Variants in ASIC2 observed in about 807,000 individuals in gnomAD.
ASIC2 encodes acid-sensing ion channel 2.
In ASIC2, 25 loss-of-function variants were observed where a neutral mutation model predicts 57.3. That is an observed-to-expected ratio of 0.44 (90% CI 0.32 to 0.61). ASIC2 has a LOEUF of 0.61. ASIC2 is among the 20% of genes least tolerant of loss of function. The pLI is 0.06. For missense variants in ASIC2, 641 were observed against 738.1 expected (o/e 0.87, Z 1.52); for synonymous variants, 319 against 307.5 (o/e 1.04, Z -0.39).
chr17:33,155,043 T>G (rs1313514223), intron 1 of ASIC2, among the ~76,000 whole-genome samples: 1 of 152,196 alleles, frequency 6.6e-6, no homozygotes, highest in East Asian at 1.9e-4. Flanking sequence ...GGCAGCGTCT[T>G]TTCTCCAAGC....
At chr17:33,019,189 G>C (rs1436335471) in intron 7 of ASIC2, among the ~76,000 whole-genome samples, 1 of 152,114 alleles carries the variant, frequency 6.6e-6, no homozygotes, top group Non-Finnish European at 1.5e-5. Context: ...GTATATGCCA[G>C]GGTCTGGGGT....
intron 1 of ASIC2, among the ~76,000 whole-genome samples, chr17:33,703,944 A>G (rs746112895): frequency 1.3e-5 from 2 of 152,148 alleles, no homozygotes; most frequent in Non-Finnish European, 2.9e-5. Flanking sequence ...CCTATGCATC[A>G]TTCAGACCTA....
chr17:33,275,226 C>T (rs568002235), intron 1 of ASIC2, among the ~76,000 whole-genome samples: 6 of 152,282 alleles, frequency 3.9e-5, no homozygotes, highest in South Asian at 4.2e-4. Flanking sequence ...GCCTGATCCC[C>T]GCCTCCCACA....
At chr17:33,324,378 T>G (rs1906985359) in intron 1 of ASIC2, among the ~76,000 whole-genome samples, 2 of 152,038 alleles carry the variant, frequency 1.3e-5, no homozygotes. Flanking sequence ...ATCAGGTGAA[T>G]GAGGATAACA....
chr17:33,291,863 G>T lies in ASIC2; in HGVS notation c.253C>A (p.Arg85=), dbSNP rs572544977. The part of the protein sequence containing the change: ...GRTAAGGSFQ[R]RALWVLAFCT... ...AAGGCCAGCACCCACAGCGCCCGCC[G>T]CTGGAAGGAGCCCCCAGCCGCCGTG... The change falls in exon 1 of 10, where the codon CGG becomes AGG. Residue 85 remains arginine, a synonymous_variant. Transcript: ENST00000225823. 1.2e-5 allele frequency: 19 copies of T among 1,608,462 alleles called. No individual in the cohort carries two copies. The highest frequency in any genetic ancestry group is 1.1e-5 in the South Asian group (1 of 91,012).
At chr17:33,619,277 C>T (rs1337805971) in intron 1 of ASIC2, among the ~76,000 whole-genome samples, 1 of 152,056 alleles carries the variant, frequency 6.6e-6, no homozygotes, top group East Asian at 1.9e-4. Flanking sequence ...TATTTGTACT[C>T]AATAATAATT....
intron 1 of ASIC2, among the ~76,000 whole-genome samples, chr17:34,137,134 C>T (rs530184891): frequency 6.6e-6 from 1 of 152,340 alleles, no homozygotes; most frequent in East Asian, 1.9e-4. Flanking sequence ...TCTTTCATGA[C>T]AGTTCTAATT....
At chr17:33,555,501 A>G (rs1185425341) in intron 1 of ASIC2, among the ~76,000 whole-genome samples, 2 of 152,186 alleles carry the variant, frequency 1.3e-5, no homozygotes, top group African/African-American at 2.4e-5. Context: ...CTAGAAAGAC[A>G]GGAAATGAAA....
chr17:33,910,015 T>C (rs1915427699), intron 1 of ASIC2, among the ~76,000 whole-genome samples: 1 of 152,112 alleles, frequency 6.6e-6, no homozygotes, highest in African/African-American at 2.4e-5. Context: ...GGAGTAATAA[T>C]AGCACCACCC....
At chr17:33,083,438 C>G (rs62068318) in intron 3 of ASIC2, among the ~76,000 whole-genome samples, 2,022 of 152,276 alleles carry the variant, frequency 0.013, 25 homozygotes, top group Non-Finnish European at 0.019. Flanking sequence ...CCAGGTCTCG[C>G]TTATCTTAAT....
chr17:33,500,787 T>C (rs1261614711), intron 1 of ASIC2, among the ~76,000 whole-genome samples: 1 of 152,242 alleles, frequency 6.6e-6, no homozygotes, highest in Non-Finnish European at 1.5e-5. Context: ...TCATGTTTGT[T>C]TTCTCCTCTG....
chr17:33,598,154 A>G (rs187010068), intron 1 of ASIC2, among the ~76,000 whole-genome samples: 2 of 152,184 alleles, frequency 1.3e-5, no homozygotes, highest in African/African-American at 4.8e-5. Context: ...AGAAATGACT[A>G]TTCATGAAAT....
intron 1 of ASIC2, among the ~76,000 whole-genome samples, chr17:33,494,569 A>G (rs940523330): frequency 3.9e-5 from 6 of 152,198 alleles, no homozygotes; most frequent in African/African-American, 1.2e-4. Flanking sequence ...CACCTAGAAC[A>G]GCAATGAAGA....
chr17:33,732,502 TC>T (rs374535549), intron 1 of ASIC2, among the ~76,000 whole-genome samples: 10 of 140,578 alleles, frequency 7.1e-5, no homozygotes, highest in Admixed American at 1.4e-4. Flanking sequence ...CTAAGGAAAT[TC>T]TTTTTTTTTT....
chr17:33,256,398 T>C (rs1217419245), intron 1 of ASIC2, among the ~76,000 whole-genome samples: 1 of 152,214 alleles, frequency 6.6e-6, no homozygotes, highest in Non-Finnish European at 1.5e-5. Flanking sequence ...AAATGATTGG[T>C]TTACTTTTAG....
chr17:33,830,790 C>T (rs560248840), intron 1 of ASIC2, among the ~76,000 whole-genome samples: 9 of 151,932 alleles, frequency 5.9e-5, no homozygotes, highest in African/African-American at 2.2e-4. Flanking sequence ...GTTCAAATTC[C>T]ACTTATGGGA....
rs1204250181 is a variant in ASIC2, at chr17:33,183,162, C to T, written c.709-71095G>A. 7.9e-5 allele frequency among the ~76,000 whole-genome samples: 12 copies of T among 152,290 alleles called. No homozygotes were observed. In the East Asian group the frequency reaches 2.3e-3, roughly 29 times the overall value. ...ATCTGCCCCACTCCTAAGTGTAATC[C>T]CTCATACTCGAAAGTAAGTTCTAAA... On this transcript the variant is annotated intron_variant, in intron 1 of 9. Coordinates refer to ENST00000225823, the MANE Select transcript of ASIC2 (RefSeq NM_183377.2).
At chr17:33,807,140 C>G (rs371821245) in intron 1 of ASIC2, among the ~76,000 whole-genome samples, 168 of 152,294 alleles carry the variant, frequency 1.1e-3, no homozygotes, top group African/African-American at 3.9e-3. Flanking sequence ...CAGTCATCTC[C>G]CCTACAGGAC....
chr17:33,220,827 G>C (rs1405009738), intron 1 of ASIC2, among the ~76,000 whole-genome samples: 3 of 152,134 alleles, frequency 2.0e-5, no homozygotes, highest in East Asian at 1.9e-4. Context: ...CAGTACTTTG[G>C]GGGGCCGAGG....
Sources: gnomAD v4.1 joint callset for allele counts (sites outside exome capture counted in the v4.1 genomes callset) on GRCh38, gnomAD v4.1.1 for gene constraint, MANE v1.5 for transcripts, NCBI Gene and HGNC (gene_info 2026-07-23, HGNC 2026-07-21) for gene names.